The following ATP5F1D variants were observed in gnomAD, a reference collection of about 807,000 sequenced individuals.
ATP5F1D encodes the protein ATP synthase F(1) complex subunit delta, mitochondrial.
ATP5F1D carries 16 observed loss-of-function variants against 13.0 expected under a neutral mutation model. That is an observed-to-expected ratio of 1.23 (90% confidence interval 0.83 to 1.87). The LOEUF is 1.87. ATP5F1D is among the 40% of genes most tolerant of loss of function. The pLI, the probability that ATP5F1D is intolerant of heterozygous loss-of-function variation, is 0.00. For missense variants in ATP5F1D, 294 were observed against 246.2 expected, an observed-to-expected ratio of 1.19 and a Z score of -1.30; for synonymous variants, 129 against 116.2, an observed-to-expected ratio of 1.11 and a Z score of -0.71.
At chr19:1,242,299 C>G (rs139231122) in intron 1 of ATP5F1D, 157 bp from the exon 2 acceptor site, 5 of 970,308 alleles carry the variant, frequency 5.2e-6, no homozygotes, top group Non-Finnish European at 7.0e-6. Flanking sequence ...CTGTTGAGGA[C>G]CAAAGCTGCA....
intron 1 of ATP5F1D, 169 bp from the exon 2 acceptor site, chr19:1,242,287 A>T (rs2081041323): frequency 2.3e-6 from 2 of 870,386 alleles, no homozygotes; most frequent in Non-Finnish European, 3.2e-6. Context: ...AATGAGGCGC[A>T]ACTGTTGAGG....
intron 1 of ATP5F1D, 171 bp from the exon 2 acceptor site, chr19:1,242,285 G>T (rs2081041303): frequency 1.2e-6 from 1 of 857,006 alleles, no homozygotes; most frequent in Non-Finnish European, 1.6e-6. Context: ...AGAATGAGGC[G>T]CAACTGTTGA....
chr19:1,241,762 C>T lies in ATP5F1D; in HGVS notation c.-89C>T, dbSNP rs906118105. On this transcript the variant is annotated 5_prime_UTR_variant, in exon 1 of 4. Transcript: ENST00000215375. ...GGACTCCTCCTCCCAGACGTCCCTG[C>T]GCGTCGTCCTCCTCGCCCTCCAGGC... 3.3e-6 allele frequency: 4 copies of T among 1,229,154 alleles called. No homozygotes were observed. Among genetic ancestry groups the T allele is most frequent in the Non-Finnish European group, 4.1e-6 (4 of 982,206 alleles). The allele number at this position is 1,229,154 out of a possible 1,614,324, so 76.1% of individuals were successfully genotyped here.
Position 1,244,336 on chromosome 19 carries a change from A to G in ATP5F1D, c.406A>G (p.Lys136Glu), listed in dbSNP as rs750127098. The change falls in exon 4 of 4, where the codon AAG becomes GAG. Residue 136 changes from lysine to glutamate, a missense_variant. Lys to Glu is a moderately conservative substitution (Grantham distance 56). Transcript: ENST00000215375. ...GCAGGCAGCCAAGGCAAACTTGGAGAAGGCCCAGGCGGAGCTGGTGGGGAC... is the reference window on the plus strand; with the variant it reads ...GCAGGCAGCCAAGGCAAACTTGGAGGAGGCCCAGGCGGAGCTGGTGGGGAC... The part of the protein sequence containing the change: ...DLGAAKANLE[K>E]AQAELVGTAD... 2.5e-6 allele frequency: 4 copies of G among 1,593,350 alleles called. No individual in the cohort carries two copies. The South Asian group carries it at 3.4e-5, about 14-fold the overall frequency.
At chr19:1,242,014 C>T in intron 1 of ATP5F1D, 23 bp downstream of exon 1, 1 of 1,383,084 alleles carries the variant, frequency 7.2e-7, no homozygotes, top group African/African-American at 1.5e-5. Context: ...CGGGTCGGGA[C>T]CCTCCGTGGC....
At position 1,241,909 on chromosome 19, in the gene ATP5F1D, G is replaced by T; in HGVS notation, c.59G>T (p.Arg20Leu). Residue 20 changes from arginine to leucine, a missense_variant, in exon 1 of 4, where the codon CGT becomes CTT. Arg to Leu is a moderately radical substitution (Grantham distance 102). Coordinates refer to ENST00000215375, the MANE Select transcript of ATP5F1D (RefSeq NM_001687.5). ...PGLGRLVRHA[R>L]AYAEAAAAPA... ...CTTGGCCGCCTCGTCCGCCACGCCC[G>T]TGCCTATGCCGAGGCCGCCGCCGCC... 1.3e-6 allele frequency: 2 copies of T among 1,487,872 alleles called. No individual in the cohort carries two copies. Among genetic ancestry groups the T allele is most frequent in the Non-Finnish European group, 1.8e-6 (2 of 1,122,210 alleles). 92.2% of individuals were successfully genotyped at this position (1,487,872 alleles called of 1,614,324 possible).
At position 1,241,823 on chromosome 19, in the gene ATP5F1D, T is replaced by C. The variant is rs1246916012; in HGVS notation, c.-28T>C. The C allele has an allele frequency of 1.4e-5, 19 of 1,313,478 alleles. No individual in the cohort carries two copies. The highest frequency in any genetic ancestry group is 1.8e-5 in the Non-Finnish European group (19 of 1,036,620). 81.4% of individuals were successfully genotyped at this position (1,313,478 alleles called of 1,614,324 possible). On this transcript the variant is annotated 5_prime_UTR_variant, in exon 1 of 4. Coordinates refer to ENST00000215375, the MANE Select transcript of ATP5F1D (RefSeq NM_001687.5). ...GCGCCGGAGTCCGCTGTCCGCCAGC[T>C]ACCCGCTTCCTGCCGCCCGCCGCTG...
rs1226236937 is a variant in ATP5F1D, at chr19:1,244,591, C to T, written c.*154C>T. The T allele has an allele frequency of 1.5e-5, 18 of 1,240,572 alleles. No homozygotes were observed. The highest frequency in any genetic ancestry group is 2.0e-5 in the Non-Finnish European group (18 of 910,604). The allele number at this position is 1,240,572 out of a possible 1,614,324, so 76.8% of individuals were successfully genotyped here. Reference sequence around the variant, plus strand: ...TGCAGGCTTCTGCCTGGGCCCCAGGCCCTGCCTGTGTTGAAAGCTCTGGGG... The same window carrying T: ...TGCAGGCTTCTGCCTGGGCCCCAGGTCCTGCCTGTGTTGAAAGCTCTGGGG... On this transcript the variant is annotated 3_prime_UTR_variant, in exon 4 of 4. Coordinates refer to ENST00000215375, the MANE Select transcript of ATP5F1D (RefSeq NM_001687.5).
intron 2 of ATP5F1D, among the ~76,000 whole-genome samples, chr19:1,243,551 G>A (rs987038912): frequency 3.3e-5 from 5 of 152,008 alleles, no homozygotes; most frequent in African/African-American, 4.8e-5. Context: ...AGCTACTCGG[G>A]AGGCTGAAGC....
In ATP5F1D at chr19:1,242,466, A is replaced by G. The variant is rs560096836; in HGVS notation, c.152A>G (p.Asn51Ser). ...CGCTGTTGTCTGCAGGTGTTCTTCAACGGTGCCAACGTCCGGCAGGTGGAC... is the reference window on the plus strand; with the variant it reads ...CGCTGTTGTCTGCAGGTGTTCTTCAGCGGTGCCAACGTCCGGCAGGTGGAC... ...TFASPTQVFF[N>S]GANVRQVDVP... Residue 51 changes from asparagine (N) to serine (S), a missense_variant, in exon 2 of 4, where the codon AAC becomes AGC. Transcript: ENST00000215375. The G allele has an allele frequency of 1.2e-5, 18 of 1,527,714 alleles. 1 individual carries two copies. Among genetic ancestry groups the G allele is most frequent in the Middle Eastern group, 2.3e-4 (1 of 4,296 alleles). 94.6% of individuals were successfully genotyped at this position (1,527,714 alleles called of 1,614,324 possible).
intron 2 of ATP5F1D, 30 bp from the exon 3 acceptor site, chr19:1,244,067 T>C: frequency 6.3e-7 from 1 of 1,591,528 alleles, no homozygotes; most frequent in Non-Finnish European, 8.6e-7. Context: ...CTTTGGGGTC[T>C]CACGCCTTCC....
At chr19:1,242,973 A>G (rs2081045346) in intron 2 of ATP5F1D, 1 of 161,418 alleles carries the variant, frequency 6.2e-6, no homozygotes, top group African/African-American at 2.4e-5. Context: ...AAAAATACAA[A>G]AAATTAGCCA....
rs370565722 is a variant in ATP5F1D, at chr19:1,242,550, T to C, written c.236T>C (p.Val79Ala). Reference protein sequence around the residue: ...ILAAHVPTLQVLRPGLVVVHA... With the variant: ...ILAAHVPTLQALRPGLVVVHA... ...GCGGCCCACGTGCCCACGCTGCAGG[T>C]CCTGCGGCCGGGGCTGGTCGTGGTG... The change falls in exon 2 of 4, where the codon GTC becomes GCC. Residue 79 changes from valine to alanine, a missense_variant. Transcript: ENST00000215375. The C allele has an allele frequency of 7.1e-6, 11 of 1,546,766 alleles. No individual in the cohort carries two copies. The African/African-American group carries it at 1.1e-4, about 15-fold the overall frequency.
chr19:1,241,820 A>G lies in ATP5F1D; in HGVS notation c.-31A>G. On this transcript the variant is annotated 5_prime_UTR_variant, in exon 1 of 4. Coordinates refer to ENST00000215375, the MANE Select transcript of ATP5F1D (RefSeq NM_001687.5). ...GCCGCGCCGGAGTCCGCTGTCCGCC[A>G]GCTACCCGCTTCCTGCCGCCCGCCG... The G allele has an allele frequency of 1.5e-6, 2 of 1,312,096 alleles. No individual in the cohort carries two copies. The highest frequency in any genetic ancestry group is 1.9e-6 in the Non-Finnish European group (2 of 1,035,804). 81.3% of individuals were successfully genotyped at this position (1,312,096 alleles called of 1,614,324 possible).
Position 1,241,780 on chromosome 19 carries a change from C to G in ATP5F1D, c.-71C>G. The G allele has an allele frequency of 1.6e-6, 2 of 1,273,514 alleles. No individual in the cohort carries two copies. The highest frequency in any genetic ancestry group is 2.0e-6 in the Non-Finnish European group (2 of 1,012,940). The allele number at this position is 1,273,514 out of a possible 1,614,324, so 78.9% of individuals were successfully genotyped here. A position where few individuals can be genotyped will look rare whatever the true frequency, so the allele number is the denominator to read the frequency against. ...GTCCCTGCGCGTCGTCCTCCTCGCC[C>G]TCCAGGCCGCCCGCGCCGCGCCGGA... On this transcript the variant is annotated 5_prime_UTR_variant, in exon 1 of 4. Coordinates refer to ENST00000215375, the MANE Select transcript of ATP5F1D (RefSeq NM_001687.5).
In ATP5F1D at chr19:1,244,170, C is replaced by T; in HGVS notation, c.369C>T (p.Asp123=). The T allele has an allele frequency of 1.2e-6, 2 of 1,611,776 alleles. No individual in the cohort carries two copies. Among genetic ancestry groups the T allele is most frequent in the Non-Finnish European group, 1.7e-6 (2 of 1,179,088 alleles). ...QLLAEEAVTL[D]MLDLGAAKAN... ...TGGCCGAAGAGGCCGTGACGCTGGA[C>T]ATGTTGGACCTGGGGGTGAGTGTCA... Residue 123 remains aspartate (D), a synonymous_variant, in exon 3 of 4, where the codon GAC becomes GAT. Transcript: ENST00000215375.
chr19:1,242,819 C>G, intron 2 of ATP5F1D: 1 of 471,618 alleles, frequency 2.1e-6, no homozygotes, highest in Non-Finnish European at 3.4e-6. Flanking sequence ...GATGTAACCC[C>G]GTCTCTTCTA....
intron 1 of ATP5F1D, 137 bp downstream of exon 1, chr19:1,242,128 C>T: frequency 8.8e-7 from 1 of 1,134,010 alleles, no homozygotes; most frequent in Non-Finnish European, 1.1e-6. Flanking sequence ...GCCCTGGACC[C>T]TCGGCCCTGC....
intron 2 of ATP5F1D, 158 bp from the exon 3 acceptor site, chr19:1,243,939 C>A (rs548147253): frequency 2.4e-4 from 175 of 721,022 alleles, no homozygotes; most frequent in Admixed American, 3.9e-4. Context: ...ATGTTGGGCC[C>A]AGGGCCAGTC....
Sources: gnomAD v4.1 joint callset for allele counts (sites outside exome capture counted in the v4.1 genomes callset) on GRCh38, gnomAD v4.1.1 for gene constraint, MANE v1.5 for transcripts, NCBI Gene and HGNC (gene_info 2026-07-23, HGNC 2026-07-21) for gene names.